CNGB3: variants seen among roughly 807,000 people sequenced by gnomAD.
The protein encoded by CNGB3 is cyclic nucleotide gated channel subunit beta 3.
A neutral mutation model predicts 92.8 loss-of-function variants in CNGB3; 86 were observed. The ratio of observed to expected loss-of-function variants is 0.93; its 90% CI spans 0.78 to 1.11. The LOEUF (loss-of-function observed/expected upper bound fraction) is 1.11. Among genes scored for constraint, CNGB3 ranks in the 50% least tolerant of loss-of-function variants. The probability of loss-of-function intolerance (pLI) is 0.00; values close to 1 mark genes in which losing one functional copy is unlikely to be tolerated. For missense variants in CNGB3, 1,026 were observed against 956.8 expected, an observed-to-expected ratio of 1.07 and a Z score of -0.95; for synonymous variants, 333 against 332.7, an observed-to-expected ratio of 1.00 and a Z score of -0.01.
chr8:86,593,232 A>C (rs967300948), intron 15 of CNGB3, among the ~76,000 whole-genome samples: 2 of 152,258 alleles, frequency 1.3e-5, no homozygotes, highest in African/African-American at 4.8e-5. Context: ...TGAGCGATGA[A>C]GAATCTGGGT....
chr8:86,586,502 A>G (rs1203736363), intron 15 of CNGB3, among the ~76,000 whole-genome samples: 1 of 110,600 alleles, frequency 9.0e-6, no homozygotes, highest in African/African-American at 3.5e-5. Context: ...CCACCACACA[A>G]CAGTCCCCAG....
chr8:86,679,330 C>T (rs190559623), intron 3 of CNGB3, among the ~76,000 whole-genome samples: 6 of 152,056 alleles, frequency 3.9e-5, no homozygotes, highest in African/African-American at 9.6e-5. Context: ...TTATTTAAAA[C>T]GTGTTTCATT....
At chr8:86,632,198 CA>C (rs71275869) in intron 11 of CNGB3, among the ~76,000 whole-genome samples, 7,447 of 70,468 alleles carry the variant, frequency 0.11, 399 homozygotes, top group African/African-American at 0.22. Flanking sequence ...GACCCTGTCT[CA>C]AAAAAAAAAA....
At chr8:86,712,596 C>G (rs575079450) in intron 3 of CNGB3, among the ~76,000 whole-genome samples, 85 of 152,124 alleles carry the variant, frequency 5.6e-4, no homozygotes, top group African/African-American at 2.0e-3. Flanking sequence ...ATATTTTTAT[C>G]TGCATTTAGA....
At chr8:86,732,966 G>A (rs1399107001) in intron 2 of CNGB3, among the ~76,000 whole-genome samples, 1 of 152,120 alleles carries the variant, frequency 6.6e-6, no homozygotes, top group Non-Finnish European at 1.5e-5. Flanking sequence ...GCTGAGGTTT[G>A]GGATGTGAAT....
In CNGB3 at chr8:86,579,252, G is replaced by T; in HGVS notation, c.1782C>A (p.Ser594Arg). 1 of 1,613,802 alleles carries T rather than the reference G, an allele frequency of 6.2e-7. No homozygotes were observed. Among genetic ancestry groups the T allele is most frequent in the Non-Finnish European group, 8.5e-7 (1 of 1,179,918 alleles). Reference protein sequence around the residue: ...LKAGSVFGEISLLAAGGGNRR... With the variant: ...LKAGSVFGEIRLLAAGGGNRR... ...GGTTTCCTCCTCCTGCTGCTAGAAG[G>T]CTGTAAGAGAGAAAAATGAGTCTTT... The change falls in exon 16 of 18, where the codon AGC (serine) becomes AGA (arginine). Residue 594 changes from serine (S) to arginine (R), a missense_variant and splice_region_variant. Coordinates refer to ENST00000320005, the MANE Select transcript of CNGB3 (RefSeq NM_019098.5).
intron 13 of CNGB3, among the ~76,000 whole-genome samples, chr8:86,620,143 A>AT (rs1822696416): frequency 6.6e-6 from 1 of 152,180 alleles, no homozygotes; most frequent in Non-Finnish European, 1.5e-5. Context: ...GCCGTGCTCA[A>AT]ACTGTCCCAA....
chr8:86,598,957 A>G (rs1258105613), intron 15 of CNGB3, among the ~76,000 whole-genome samples: 2 of 152,092 alleles, frequency 1.3e-5, no homozygotes, highest in Non-Finnish European at 2.9e-5. Context: ...CATTCAACCC[A>G]CTACAGGCAT....
intron 3 of CNGB3, among the ~76,000 whole-genome samples, chr8:86,698,748 T>C (rs1824496389): frequency 6.6e-6 from 1 of 152,138 alleles, no homozygotes; most frequent in Non-Finnish European, 1.5e-5. Context: ...GTTGGGATTT[T>C]CAACGTGAGA....
intron 3 of CNGB3, among the ~76,000 whole-genome samples, chr8:86,707,232 A>G (rs1305461451): frequency 6.6e-6 from 1 of 152,220 alleles, no homozygotes; most frequent in Non-Finnish European, 1.5e-5. Flanking sequence ...TATAGAAATA[A>G]GCATAACAAA....
chr8:86,616,156 T>C (rs959099297), intron 13 of CNGB3, among the ~76,000 whole-genome samples: 15 of 152,210 alleles, frequency 9.9e-5, no homozygotes, highest in African/African-American at 3.6e-4. Flanking sequence ...TTGGATTTTC[T>C]CAGAGAAAAA....
At chr8:86,597,123 T>TAACAAACC (rs1385547916) in intron 15 of CNGB3, among the ~76,000 whole-genome samples, 1 of 152,228 alleles carries the variant, frequency 6.6e-6, no homozygotes, top group Admixed American at 6.5e-5. Context: ...TATACCTATG[T>TAACAAACC]AACAAACCTG....
At chr8:86,591,003 A>G (rs1346366188) in intron 15 of CNGB3, among the ~76,000 whole-genome samples, 2 of 151,942 alleles carry the variant, frequency 1.3e-5, no homozygotes, top group African/African-American at 4.8e-5. Flanking sequence ...TGGTCTTTTC[A>G]CATAGTCCCA....
At chr8:86,624,846 TGATTAAA>T (rs1323597773) in intron 13 of CNGB3, among the ~76,000 whole-genome samples, 3 of 151,960 alleles carry the variant, frequency 2.0e-5, no homozygotes, top group African/African-American at 7.3e-5. Context: ...TGGTGGGAGG[TGATTAAA>T]TCACAGGGGC....
intron 6 of CNGB3, chr8:86,661,581 C>A: frequency 1.3e-6 from 1 of 753,586 alleles, no homozygotes; most frequent in Non-Finnish European, 2.4e-6. Context: ...TTTTCTTTTT[C>A]AATTCCTTCA....
chr8:86,665,826 C>T (rs1823730973), intron 6 of CNGB3, among the ~76,000 whole-genome samples: 1 of 152,054 alleles, frequency 6.6e-6, no homozygotes, highest in Admixed American at 6.5e-5. Context: ...CAATCGTACC[C>T]CAAACCTCAG....
At chr8:86,725,110 G>C (rs566848846) in intron 3 of CNGB3, among the ~76,000 whole-genome samples, 1 of 152,260 alleles carries the variant, frequency 6.6e-6, no homozygotes, top group African/African-American at 2.4e-5. Flanking sequence ...GTTAGTTATG[G>C]CTTCAACTTC....
chr8:86,730,155 T>G (rs1042180166), intron 2 of CNGB3, among the ~76,000 whole-genome samples: 2 of 152,078 alleles, frequency 1.3e-5, no homozygotes, highest in African/African-American at 4.8e-5. Context: ...ATACTTCCAA[T>G]CTCCTTGGCC....
At chr8:86,631,271 G>A (rs994587730) in intron 11 of CNGB3, among the ~76,000 whole-genome samples, 2 of 152,146 alleles carry the variant, frequency 1.3e-5, no homozygotes, top group East Asian at 3.9e-4. Flanking sequence ...CTCAAGTGCT[G>A]CTGCTGCTGC....
Sources: allele counts gnomAD v4.1 joint callset (sites outside exome capture counted in the v4.1 genomes callset), GRCh38; gene constraint gnomAD v4.1.1; transcripts MANE v1.5; gene names NCBI Gene and HGNC (gene_info 2026-07-23, HGNC 2026-07-21).